CLEC16A: variants seen among roughly 807,000 people sequenced by gnomAD.
CLEC16A encodes the protein C-type lectin domain containing 16A.
In CLEC16A, 51 loss-of-function variants were observed where a neutral mutation model predicts 109.5. The ratio of observed to expected loss-of-function variants is 0.47; its 90% confidence interval spans 0.37 to 0.59. The LOEUF is 0.59. Ranked by LOEUF, CLEC16A falls within the 20% of genes least tolerant of loss-of-function variation. CLEC16A has a pLI of 0.00. For synonymous variants in CLEC16A, 673 were observed against 564.2 expected, an observed-to-expected ratio of 1.19 and a Z score of -2.73; for missense variants, 1,339 against 1,394.0, an observed-to-expected ratio of 0.96 and a Z score of 0.63.
chr16:11,037,392 A>G (rs1157934730), intron 13 of CLEC16A, among the ~76,000 whole-genome samples: 2 of 152,208 alleles, frequency 1.3e-5, no homozygotes, highest in African/African-American at 4.8e-5. Flanking sequence ...TCCTCATGAA[A>G]GGAAAAGGCT....
chr16:10,949,661 A>G (rs2041621437), intron 1 of CLEC16A, among the ~76,000 whole-genome samples: 1 of 152,174 alleles, frequency 6.6e-6, no homozygotes. Context: ...AATTCAGACT[A>G]TGAGTGAGAA....
At chr16:11,077,422 A>G (rs2049436897) in intron 19 of CLEC16A, among the ~76,000 whole-genome samples, 1 of 150,744 alleles carries the variant, frequency 6.6e-6, no homozygotes, top group South Asian at 2.1e-4. Context: ...CAGTGAGCCA[A>G]GATTGTGCCA....
At chr16:11,033,934 A>G (rs1354590834) in intron 13 of CLEC16A, among the ~76,000 whole-genome samples, 1 of 152,104 alleles carries the variant, frequency 6.6e-6, no homozygotes, top group Non-Finnish European at 1.5e-5. Flanking sequence ...CCAGAGGTGG[A>G]GGGATGGGGG....
chr16:11,034,644 C>A (rs1004168654), intron 13 of CLEC16A, among the ~76,000 whole-genome samples: 5 of 152,070 alleles, frequency 3.3e-5, no homozygotes, highest in African/African-American at 1.2e-4. Context: ...AGGCTCTGAC[C>A]CCTAAGGCAG....
chr16:11,103,755 A>T (rs1372325611), intron 19 of CLEC16A, among the ~76,000 whole-genome samples: 1 of 151,848 alleles, frequency 6.6e-6, no homozygotes, highest in Non-Finnish European at 1.5e-5. Context: ...CCCCTGAGGG[A>T]CAAGTCTTAC....
intron 19 of CLEC16A, among the ~76,000 whole-genome samples, chr16:11,079,054 C>CCAGCCCTG (rs1296283347): frequency 3.3e-5 from 5 of 152,148 alleles, no homozygotes; most frequent in Admixed American, 6.5e-5. Context: ...TGGATGCTCC[C>CCAGCCCTG]CAGCCCTGCA....
chr16:11,135,743 G>C (rs1036976230), intron 22 of CLEC16A, among the ~76,000 whole-genome samples: 2 of 152,242 alleles, frequency 1.3e-5, no homozygotes, highest in African/African-American at 2.4e-5. Context: ...GCCTTAGAAT[G>C]TTCTGTAGGC....
At chr16:11,027,257 C>T (rs560847132) in intron 13 of CLEC16A, 9 of 1,544,050 alleles carry the variant, frequency 5.8e-6, no homozygotes, top group African/African-American at 2.7e-5. Flanking sequence ...AACCTCATGC[C>T]GTGGAATTGC....
At chr16:10,965,064 A>G (rs574767428) in intron 3 of CLEC16A, among the ~76,000 whole-genome samples, 251 of 152,308 alleles carry the variant, frequency 1.6e-3, no homozygotes, top group Non-Finnish European at 3.2e-3. Flanking sequence ...GTCCCTGGTA[A>G]CCACCCTTTG....
chr16:11,053,370 G>T (rs1426312015), intron 18 of CLEC16A, among the ~76,000 whole-genome samples: 2 of 151,428 alleles, frequency 1.3e-5, no homozygotes, highest in Admixed American at 6.6e-5. Context: ...TACAGAGGAA[G>T]AATTTTTTTT....
At chr16:11,046,945 G>A (rs549127874) in intron 16 of CLEC16A, among the ~76,000 whole-genome samples, 17 of 152,140 alleles carry the variant, frequency 1.1e-4, no homozygotes, top group East Asian at 3.9e-4. Flanking sequence ...TTCTCCAGCC[G>A]TTCTCGACAA....
intron 10 of CLEC16A, among the ~76,000 whole-genome samples, chr16:10,988,429 G>A (rs575798291): frequency 9.9e-5 from 15 of 152,248 alleles, no homozygotes; most frequent in Admixed American, 7.8e-4. Flanking sequence ...ACCATGTCTC[G>A]GAGATGCCTG....
intron 12 of CLEC16A, 141 bp from the exon 13 acceptor site, chr16:11,024,680 G>T (rs2046310264): frequency 4.7e-6 from 3 of 631,958 alleles, no homozygotes; most frequent in Non-Finnish European, 5.7e-6. Context: ...TGTGTCCTCA[G>T]TGCGTGGTGC....
intron 11 of CLEC16A, among the ~76,000 whole-genome samples, chr16:11,018,199 C>T (rs1279213532): frequency 2.7e-5 from 4 of 149,780 alleles, no homozygotes; most frequent in Non-Finnish European, 5.9e-5. Context: ...CCTAGCTACT[C>T]GGGAGCCCAG....
At chr16:11,043,117 G>T (rs2152857958) in intron 15 of CLEC16A, among the ~76,000 whole-genome samples, 1 of 151,918 alleles carries the variant, frequency 6.6e-6, no homozygotes, top group East Asian at 1.9e-4. Flanking sequence ...TGAATTTTTT[G>T]TCTTATACAA....
intron 6 of CLEC16A, 116 bp downstream of exon 6, chr16:10,972,675 GGCTCTCC>G: frequency 2.0e-6 from 2 of 992,908 alleles, no homozygotes; most frequent in Non-Finnish European, 1.6e-6. Flanking sequence ...CTGATAAGTA[GGCTCTCC>G]CATGCACCAT....
chr16:11,141,711 G>A (rs750001669), intron 22 of CLEC16A, among the ~76,000 whole-genome samples: 19 of 152,344 alleles, frequency 1.2e-4, no homozygotes, highest in Middle Eastern at 3.4e-3. Context: ...GGTGAGGGAC[G>A]GTCTGGGATG....
intron 19 of CLEC16A, among the ~76,000 whole-genome samples, chr16:11,071,899 C>G (rs2049095658): frequency 6.6e-6 from 1 of 150,952 alleles, no homozygotes; most frequent in African/African-American, 2.4e-5. Flanking sequence ...CTAATATTAT[C>G]TTTCTTGAGT....
In CLEC16A at chr16:11,168,550, T is replaced by G. The variant is rs1178074811; in HGVS notation, c.2806+1998T>G. Reference sequence around the variant, plus strand: ...AGACAACTCACCTGATGAAGGGCCATGCCCGGTGGGCAGCCTGGGCTTTAC... The same window carrying G: ...AGACAACTCACCTGATGAAGGGCCAGGCCCGGTGGGCAGCCTGGGCTTTAC... On this transcript the variant is annotated intron_variant, in intron 23 of 23. Transcript: ENST00000409790. 2.0e-5 allele frequency among the ~76,000 whole-genome samples: 3 copies of G among 152,246 alleles called. No homozygotes were observed. The East Asian group carries it at 5.8e-4, about 29-fold the overall frequency.
Sources: allele counts gnomAD v4.1 joint callset (sites outside exome capture counted in the v4.1 genomes callset), GRCh38; gene constraint gnomAD v4.1.1; transcripts MANE v1.5; gene names NCBI Gene and HGNC (gene_info 2026-07-23, HGNC 2026-07-21).